CWC27: variants seen among roughly 807,000 people sequenced by gnomAD.
CWC27 encodes spliceosome-associated protein CWC27 homolog.
Under a neutral mutation model 63.6 loss-of-function variants are expected in CWC27, and 47 were observed. The ratio of observed to expected loss-of-function variants is 0.74; its 90% CI spans 0.58 to 0.94. The LOEUF (loss-of-function observed/expected upper bound fraction) is 0.94. CWC27 is among the 40% of genes least tolerant of loss of function. The pLI, the probability that CWC27 is intolerant of heterozygous loss-of-function variation, is 0.00. For missense variants in CWC27, 495 were observed against 554.3 expected (o/e 0.89, Z 1.07); for synonymous variants, 175 against 179.8 (o/e 0.97, Z 0.22).
chr5:64,883,009 A>T (rs1746982807), intron 10 of CWC27, among the ~76,000 whole-genome samples: 1 of 152,232 alleles, frequency 6.6e-6, no homozygotes, highest in Admixed American at 6.5e-5. Flanking sequence ...TAAAGAAAAG[A>T]GGTTTAATTG....
intron 13 of CWC27, among the ~76,000 whole-genome samples, chr5:64,985,264 T>A (rs755713201): frequency 1.3e-5 from 2 of 152,210 alleles, no homozygotes; most frequent in Non-Finnish European, 2.9e-5. Context: ...TCTTTTGCCC[T>A]TTCCATAAAA....
At chr5:64,828,470 G>C (rs1745427340) in intron 10 of CWC27, among the ~76,000 whole-genome samples, 1 of 151,980 alleles carries the variant, frequency 6.6e-6, no homozygotes, top group South Asian at 2.1e-4. Flanking sequence ...GGAAGTCCAA[G>C]ATTCAGGCAC....
chr5:64,886,864 A>C (rs1446913194), intron 11 of CWC27, among the ~76,000 whole-genome samples: 1 of 152,132 alleles, frequency 6.6e-6, no homozygotes, highest in Non-Finnish European at 1.5e-5. Context: ...ATGAAGGCAA[A>C]ATGTAACCCA....
chr5:64,804,466 G>C, intron 10 of CWC27, 80 bp downstream of exon 10: 2 of 1,325,506 alleles, frequency 1.5e-6, no homozygotes, highest in Non-Finnish European at 2.0e-6. Context: ...CCTCTCTTCA[G>C]CTAATTTTTA....
intron 11 of CWC27, among the ~76,000 whole-genome samples, chr5:64,924,971 A>G (rs1200323416): frequency 1.3e-5 from 2 of 151,974 alleles, no homozygotes; most frequent in Non-Finnish European, 2.9e-5. Flanking sequence ...ACACACACAC[A>G]CACACACACA....
intron 11 of CWC27, among the ~76,000 whole-genome samples, chr5:64,891,204 T>C (rs1337123861): frequency 1.3e-5 from 2 of 152,184 alleles, no homozygotes; most frequent in African/African-American, 2.4e-5. Context: ...TGGGCAATGA[T>C]TCCAACCTAA....
chr5:64,948,751 G>C (rs1748643818), intron 11 of CWC27, among the ~76,000 whole-genome samples: 2 of 151,980 alleles, frequency 1.3e-5, no homozygotes, highest in Admixed American at 1.3e-4. Flanking sequence ...TGAGTGTGCA[G>C]ATGAACTGTA....
intron 10 of CWC27, among the ~76,000 whole-genome samples, chr5:64,855,615 C>G (rs1317957404): frequency 1.3e-5 from 2 of 152,086 alleles, no homozygotes; most frequent in Non-Finnish European, 2.9e-5. Context: ...AATAACTACC[C>G]AAGCAAGCCT....
chr5:64,842,171 C>A (rs190498396), intron 10 of CWC27, among the ~76,000 whole-genome samples: 1 of 152,266 alleles, frequency 6.6e-6, no homozygotes, highest in African/African-American at 2.4e-5. Context: ...GGCCTACAAA[C>A]CCTAAAATAT....
At chr5:64,817,291 C>G (rs2112239419) in intron 10 of CWC27, among the ~76,000 whole-genome samples, 1 of 152,214 alleles carries the variant, frequency 6.6e-6, no homozygotes, top group Non-Finnish European at 1.5e-5. Flanking sequence ...GAGGCCTTTT[C>G]AGACTATACT....
Position 64,881,432 on chromosome 5 carries a change from T to C in CWC27, c.939-4011T>C, listed in dbSNP as rs532177490. ...AAATGATGAACAGAGTTGTTTGCTG[T>C]ATATAGTAGAAATAACATTCATTTA... On this transcript the variant is annotated intron_variant, in intron 10 of 13. Coordinates refer to ENST00000381070, the MANE Select transcript of CWC27 (RefSeq NM_005869.4). 3.9e-5 allele frequency among the ~76,000 whole-genome samples: 6 copies of C among 152,260 alleles called. 1 individual carries two copies. In the South Asian group the frequency reaches 1.0e-3, roughly 26 times the overall value.
At chr5:65,003,906 A>T (rs1324174332) in intron 13 of CWC27, among the ~76,000 whole-genome samples, 3 of 150,294 alleles carry the variant, frequency 2.0e-5, no homozygotes, top group Non-Finnish European at 4.4e-5. Flanking sequence ...ATGCAGTGGC[A>T]TGATCTTGGC....
At chr5:64,978,460 G>A (rs1749270963) in intron 13 of CWC27, among the ~76,000 whole-genome samples, 1 of 152,160 alleles carries the variant, frequency 6.6e-6, no homozygotes, top group South Asian at 2.1e-4. Flanking sequence ...TTGCTTGAAG[G>A]CAGAAGCTGT....
chr5:65,010,478 A>G (rs984857942), intron 13 of CWC27, among the ~76,000 whole-genome samples: 1 of 152,230 alleles, frequency 6.6e-6, no homozygotes, highest in Non-Finnish European at 1.5e-5. Context: ...GTCCCATAGA[A>G]TGACAATCTT....
intron 13 of CWC27, among the ~76,000 whole-genome samples, chr5:65,014,417 A>T (rs1438282186): frequency 6.6e-6 from 1 of 150,668 alleles, no homozygotes; most frequent in African/African-American, 2.4e-5. Context: ...CTATAAAGTC[A>T]ATGTTATTTG....
At chr5:64,789,109 A>G in intron 7 of CWC27, 89 bp downstream of exon 7, 3 of 805,348 alleles carry the variant, frequency 3.7e-6, no homozygotes, top group Non-Finnish European at 5.8e-6. Context: ...TATATCTGGC[A>G]CAGCATGTTT....
chr5:64,984,560 T>G (rs570894697), intron 13 of CWC27, among the ~76,000 whole-genome samples: 1 of 152,340 alleles, frequency 6.6e-6, no homozygotes, highest in South Asian at 2.1e-4. Context: ...CAGTAGTAAT[T>G]TTTAATCTGT....
chr5:65,017,716 T>C (rs1397487087), intron 13 of CWC27, among the ~76,000 whole-genome samples: 1 of 152,220 alleles, frequency 6.6e-6, no homozygotes, highest in Admixed American at 6.5e-5. Flanking sequence ...TTCCCAACTC[T>C]TGACCCATGT....
chr5:65,000,538 G>A (rs1423537331), intron 13 of CWC27, among the ~76,000 whole-genome samples: 1 of 151,970 alleles, frequency 6.6e-6, no homozygotes, highest in Non-Finnish European at 1.5e-5. Flanking sequence ...TTATTCTTCT[G>A]TATATGGATA....
Sources: gnomAD v4.1 joint callset for allele counts (sites outside exome capture counted in the v4.1 genomes callset) on GRCh38, gnomAD v4.1.1 for gene constraint, MANE v1.5 for transcripts, NCBI Gene and HGNC (gene_info 2026-07-23, HGNC 2026-07-21) for gene names.